Variants in PLCB4 observed in about 807,000 individuals in gnomAD.
The protein encoded by PLCB4 is 1-phosphatidylinositol 4,5-bisphosphate phosphodiesterase beta-4.
Under a neutral mutation model 178.8 loss-of-function variants are expected in PLCB4, and 77 were observed. The ratio of observed to expected loss-of-function variants is 0.43; its 90% confidence interval spans 0.36 to 0.52. The LOEUF (loss-of-function observed/expected upper bound fraction) is 0.52, where lower values mean the gene tolerates loss of function less well. Ranked by LOEUF, PLCB4 falls within the 20% of genes least tolerant of loss-of-function variation. The pLI is 0.00. For synonymous variants in PLCB4, 496 were observed against 490.8 expected, an observed-to-expected ratio of 1.01 and a Z score of -0.14; for missense variants, 1,024 against 1,453.4, an observed-to-expected ratio of 0.70 and a Z score of 4.80.
chr20:9,179,073 T>G (rs2093202670), intron 2 of PLCB4, among the ~76,000 whole-genome samples: 1 of 152,246 alleles, frequency 6.6e-6, no homozygotes, highest in Admixed American at 6.5e-5. Context: ...TGGTGAGTTT[T>G]TCTAGATTTG....
intron 36 of PLCB4, among the ~76,000 whole-genome samples, chr20:9,471,081 A>G (rs2122642866): frequency 6.6e-6 from 1 of 152,346 alleles, no homozygotes; most frequent in Middle Eastern, 3.4e-3. Context: ...ACATTTTAAC[A>G]GAAATTACCC....
At chr20:9,277,734 C>T (rs574932295) in intron 3 of PLCB4, among the ~76,000 whole-genome samples, 13 of 151,870 alleles carry the variant, frequency 8.6e-5, no homozygotes, top group African/African-American at 3.1e-4. Flanking sequence ...ACATAATGAC[C>T]GAGGGTACCC....
intron 9 of PLCB4, among the ~76,000 whole-genome samples, chr20:9,365,784 C>T (rs572934871): frequency 5.9e-5 from 9 of 152,214 alleles, no homozygotes; most frequent in East Asian, 1.9e-4. Context: ...TTTTTAAAAT[C>T]GGCAAATAAG....
intron 2 of PLCB4, among the ~76,000 whole-genome samples, chr20:9,100,868 G>A (rs780806659): frequency 3.9e-5 from 6 of 152,136 alleles, no homozygotes; most frequent in African/African-American, 7.2e-5. Context: ...CACAGCAGCT[G>A]TGTGACCATC....
At chr20:9,285,261 G>C (rs916316318) in intron 3 of PLCB4, among the ~76,000 whole-genome samples, 2 of 151,780 alleles carry the variant, frequency 1.3e-5, no homozygotes, top group Non-Finnish European at 1.5e-5. Flanking sequence ...AACCAGCCTT[G>C]TTATGAACAC....
chr20:9,236,714 G>C (rs2093997174), intron 3 of PLCB4, among the ~76,000 whole-genome samples: 1 of 152,166 alleles, frequency 6.6e-6, no homozygotes, highest in Admixed American at 6.5e-5. Context: ...ACTTATTTCA[G>C]ACAAGCGGTA....
chr20:9,258,012 C>A (rs149152107), intron 3 of PLCB4, among the ~76,000 whole-genome samples: 159 of 151,812 alleles, frequency 1.0e-3, no homozygotes, highest in African/African-American at 3.6e-3. Context: ...GAACAAAGAA[C>A]CAAGAGTTGG....
chr20:9,218,738 A>T (rs761076103), intron 3 of PLCB4, among the ~76,000 whole-genome samples: 10 of 152,188 alleles, frequency 6.6e-5, no homozygotes, highest in Non-Finnish European at 1.0e-4. Context: ...ATGACAAGAG[A>T]TATCCAGAAA....
At chr20:9,144,098 G>C (rs942631289) in intron 2 of PLCB4, among the ~76,000 whole-genome samples, 1 of 152,114 alleles carries the variant, frequency 6.6e-6, no homozygotes, top group Non-Finnish European at 1.5e-5. Flanking sequence ...TCTTTTCCCA[G>C]GGGATGCAGA....
intron 14 of PLCB4, among the ~76,000 whole-genome samples, chr20:9,385,309 A>T (rs2037494618): frequency 6.6e-6 from 1 of 151,896 alleles, no homozygotes; most frequent in Non-Finnish European, 1.5e-5. Flanking sequence ...CCCGTTCTCG[A>T]TGGTCACTGT....
chr20:9,376,951 T>G (rs539684181), intron 12 of PLCB4, among the ~76,000 whole-genome samples: 93 of 152,320 alleles, frequency 6.1e-4, no homozygotes, highest in Non-Finnish European at 1.3e-3. Context: ...TGAAAGAATA[T>G]TTTAAAAGGA....
At chr20:9,241,954 C>G (rs1380031638) in intron 3 of PLCB4, among the ~76,000 whole-genome samples, 1 of 152,166 alleles carries the variant, frequency 6.6e-6, no homozygotes, top group Non-Finnish European at 1.5e-5. Flanking sequence ...TGGGACAACT[C>G]AGCTCTGTTC....
At chr20:9,124,575 C>G (rs1054803794) in intron 2 of PLCB4, among the ~76,000 whole-genome samples, 1 of 152,004 alleles carries the variant, frequency 6.6e-6, no homozygotes, top group Non-Finnish European at 1.5e-5. Context: ...AAGAAAATAC[C>G]TCTTTTATAG....
intron 4 of PLCB4, among the ~76,000 whole-genome samples, chr20:9,329,703 A>AT (rs1197152597): frequency 6.6e-6 from 1 of 152,166 alleles, no homozygotes; most frequent in Non-Finnish European, 1.5e-5. Flanking sequence ...TGTCTGACAG[A>AT]TTTTTTCACA....
chr20:9,449,144 A>G (rs2042594331), intron 32 of PLCB4, among the ~76,000 whole-genome samples: 1 of 152,174 alleles, frequency 6.6e-6, no homozygotes, highest in Non-Finnish European at 1.5e-5. Flanking sequence ...TCAAGTGTCT[A>G]TTATATGAGA....
At chr20:9,138,678 C>A (rs1022303874) in intron 2 of PLCB4, among the ~76,000 whole-genome samples, 3 of 152,082 alleles carry the variant, frequency 2.0e-5, no homozygotes, top group Non-Finnish European at 4.4e-5. Context: ...ATATTAGCAT[C>A]CATACTTCAC....
intron 2 of PLCB4, among the ~76,000 whole-genome samples, chr20:9,125,935 C>G (rs6086783): frequency 1.3e-5 from 2 of 152,056 alleles, no homozygotes; most frequent in African/African-American, 4.8e-5. Context: ...AGGCATTAAC[C>G]TAAGGTCACT....
intron 2 of PLCB4, among the ~76,000 whole-genome samples, chr20:9,130,906 G>T (rs1252018168): frequency 6.6e-6 from 1 of 152,252 alleles, no homozygotes; most frequent in Admixed American, 6.5e-5. Flanking sequence ...CAGATAAAAT[G>T]AAGTCCATTC....
At chr20:9,114,279 A>G (rs1287172385) in intron 2 of PLCB4, among the ~76,000 whole-genome samples, 2 of 152,112 alleles carry the variant, frequency 1.3e-5, no homozygotes, top group East Asian at 1.9e-4. Context: ...TGGGATTGAC[A>G]TAGGACTGTG....
Sources: allele counts gnomAD v4.1 joint callset (sites outside exome capture counted in the v4.1 genomes callset), GRCh38; gene constraint gnomAD v4.1.1; transcripts MANE v1.5; gene names NCBI Gene and HGNC (gene_info 2026-07-23, HGNC 2026-07-21).